Variants in CADPS observed in about 807,000 individuals in gnomAD.
CADPS encodes calcium-dependent secretion activator 1.
In CADPS, 57 loss-of-function variants were observed where a neutral mutation model predicts 167.3. The ratio of observed to expected loss-of-function variants is 0.34; its 90% CI spans 0.28 to 0.42. The LOEUF is 0.42. Among genes scored for constraint, CADPS ranks in the 20% least tolerant of loss-of-function variants. The pLI is 1.00. For synonymous variants in CADPS, 676 were observed against 635.3 expected (o/e 1.06, Z -0.96); for missense variants, 1,414 against 1,738.1 (o/e 0.81, Z 3.32).
At chr3:62,734,917 TAA>T (rs1210399633) in intron 3 of CADPS, among the ~76,000 whole-genome samples, 1 of 152,176 alleles carries the variant, frequency 6.6e-6, no homozygotes, top group Non-Finnish European at 1.5e-5. Flanking sequence ...TGGCTATTTG[TAA>T]AGAGTAAAAT....
chr3:62,721,278 G>T (rs1282178996), intron 3 of CADPS, among the ~76,000 whole-genome samples: 1 of 151,886 alleles, frequency 6.6e-6, no homozygotes, highest in African/African-American at 2.4e-5. Flanking sequence ...GATTTTTGTT[G>T]GTGAGAAAAC....
intron 1 of CADPS, among the ~76,000 whole-genome samples, chr3:62,873,559 TC>T (rs1169584934): frequency 1.3e-5 from 2 of 150,224 alleles, no homozygotes. Flanking sequence ...CTGCCCCTCA[TC>T]TTGCAGTACC....
At chr3:62,862,309 C>T (rs1300555228) in intron 1 of CADPS, among the ~76,000 whole-genome samples, 11 of 151,402 alleles carry the variant, frequency 7.3e-5, no homozygotes, top group African/African-American at 2.7e-4. Flanking sequence ...CTCCGCCTCC[C>T]GGGTTCAAGT....
At chr3:62,501,819 T>G (rs1313527681) in intron 17 of CADPS, among the ~76,000 whole-genome samples, 2 of 152,254 alleles carry the variant, frequency 1.3e-5, no homozygotes, top group African/African-American at 4.8e-5. Flanking sequence ...TTTGTTTTAA[T>G]AGGCAGTACT....
At chr3:62,464,668 A>T (rs1385428733) in intron 26 of CADPS, among the ~76,000 whole-genome samples, 1 of 152,206 alleles carries the variant, frequency 6.6e-6, no homozygotes, top group African/African-American at 2.4e-5. Context: ...GCACAGAATC[A>T]GGGCCTCTTG....
At chr3:62,735,720 G>A (rs987747877) in intron 3 of CADPS, among the ~76,000 whole-genome samples, 1 of 152,144 alleles carries the variant, frequency 6.6e-6, no homozygotes, top group Admixed American at 6.5e-5. Flanking sequence ...GGTGAGTGCA[G>A]CCTCTGGGTT....
At chr3:62,573,875 A>G (rs1242679183) in intron 8 of CADPS, among the ~76,000 whole-genome samples, 2 of 152,210 alleles carry the variant, frequency 1.3e-5, no homozygotes, top group Non-Finnish European at 2.9e-5. Flanking sequence ...GCATAGAAAC[A>G]TGTTCTTCTT....
chr3:62,692,896 C>A (rs918551887), intron 3 of CADPS, among the ~76,000 whole-genome samples: 7 of 152,014 alleles, frequency 4.6e-5, no homozygotes, highest in African/African-American at 1.7e-4. Context: ...CCATCCAGGT[C>A]TCTTCTCATC....
At chr3:62,773,820 A>T (rs1221608574) in intron 1 of CADPS, among the ~76,000 whole-genome samples, 1 of 152,208 alleles carries the variant, frequency 6.6e-6, no homozygotes, top group Non-Finnish European at 1.5e-5. Context: ...GCTCATTTTT[A>T]AAAAATTTAG....
intron 3 of CADPS, among the ~76,000 whole-genome samples, chr3:62,697,444 T>G (rs1207560219): frequency 6.6e-6 from 1 of 152,052 alleles, no homozygotes; most frequent in Non-Finnish European, 1.5e-5. Flanking sequence ...TAATTCATTC[T>G]TTTTTATGGC....
intron 4 of CADPS, among the ~76,000 whole-genome samples, chr3:62,659,369 C>T (rs1473650087): frequency 6.6e-6 from 1 of 152,132 alleles, no homozygotes; most frequent in African/African-American, 2.4e-5. Flanking sequence ...TCACAATTTT[C>T]ATCAGTATTA....
At position 62,875,145 on chromosome 3, in the gene CADPS, G is replaced by A. The variant is rs1256911836; in HGVS notation, c.-116C>T. 26 of 1,267,298 alleles carry A rather than the reference G, an allele frequency of 2.1e-5. No individual in the cohort carries two copies. The highest frequency in any genetic ancestry group is 2.6e-5 in the Non-Finnish European group (26 of 991,468). 78.5% of individuals were successfully genotyped at this position (1,267,298 alleles called of 1,614,324 possible). On this transcript the variant is annotated 5_prime_UTR_variant, in exon 1 of 30. Transcript: ENST00000383710. ...GGGTGGGCGCTTCTCCCCAGGTCAG[G>A]GAGCGAGAGCGCTGCTGCTCAGCCT...
chr3:62,565,936 G>A (rs2080091817), intron 9 of CADPS, among the ~76,000 whole-genome samples: 1 of 152,190 alleles, frequency 6.6e-6, no homozygotes. Flanking sequence ...TGTAGAGCAG[G>A]AGATGAATTT....
At chr3:62,430,417 G>T (rs1256456790) in intron 28 of CADPS, among the ~76,000 whole-genome samples, 3 of 152,118 alleles carry the variant, frequency 2.0e-5, no homozygotes, top group Non-Finnish European at 4.4e-5. Context: ...AATAGAAGAG[G>T]AATTATCAAA....
Position 62,478,483 on chromosome 3 carries a change from G to T in CADPS, c.3174-67C>A. ...CTCAGGCTCTACAAAAACTAACACA[G>T]AGACAACTGGGGGCTAGAAGGCAAA... is the stretch of plus-strand genomic sequence containing the variant. On this transcript the variant is annotated intron_variant, in intron 22 of 29. Transcript: ENST00000383710. This position sits in a 1 kb window ranked among gnomAD's most constrained non-coding sequence, Gnocchi z 5.7. The T allele has an allele frequency of 6.8e-7, 1 of 1,470,502 alleles. No homozygotes were observed. The highest frequency in any genetic ancestry group is 9.3e-7 in the Non-Finnish European group (1 of 1,074,592). The allele number at this position is 1,470,502 out of a possible 1,614,324, so 91.1% of individuals were successfully genotyped here. A position where few individuals can be genotyped will look rare whatever the true frequency, so the allele number is the denominator to read the frequency against.
At position 62,874,585 on chromosome 3, in the gene CADPS, C is replaced by T. The variant is rs1377009767; in HGVS notation, c.441+4G>A. On this transcript the variant is annotated splice_donor_region_variant and intron_variant, in intron 1 of 29. Transcript: ENST00000383710. The surrounding 1 kb of genome is among the most constrained non-coding windows in gnomAD (Gnocchi z 7.1). ...TGCTCCCTGGGCCTCCCAGGCGCAC[C>T]TACCTTCTGCTGCCGGCGAGCCATG... is the stretch of plus-strand genomic sequence containing the variant. 1.9e-6 allele frequency: 3 copies of T among 1,546,524 alleles called. No homozygotes were observed. The highest frequency in any genetic ancestry group is 2.6e-6 in the Non-Finnish European group (3 of 1,144,480).
At chr3:62,730,912 T>C (rs1042585675) in intron 3 of CADPS, among the ~76,000 whole-genome samples, 5 of 152,224 alleles carry the variant, frequency 3.3e-5, no homozygotes, top group African/African-American at 1.2e-4. Flanking sequence ...CAATAACTGT[T>C]AGCAGTTTGA....
intron 1 of CADPS, among the ~76,000 whole-genome samples, chr3:62,788,274 C>G (rs186236): frequency 0.75 from 114,555 of 152,088 alleles, 43,444 homozygotes; most frequent in East Asian, 0.95. Flanking sequence ...GCAGGACATA[C>G]GCCAAGTACT....
chr3:62,540,181 T>G (rs2075449773), intron 11 of CADPS, among the ~76,000 whole-genome samples: 1 of 152,162 alleles, frequency 6.6e-6, no homozygotes, highest in African/African-American at 2.4e-5. Context: ...CTTCTTTGCT[T>G]CTTAAACCTT....
Sources: allele counts gnomAD v4.1 joint callset (sites outside exome capture counted in the v4.1 genomes callset), GRCh38; gene constraint gnomAD v4.1.1; non-coding constraint Gnocchi (gnomAD v3.1); transcripts MANE v1.5; gene names NCBI Gene and HGNC (gene_info 2026-07-23, HGNC 2026-07-21).